Variants in TBC1D21 observed in about 807,000 individuals in gnomAD.
TBC1D21 encodes the protein male germ cell Rab GTPase-activating protein.
TBC1D21 carries 38 observed loss-of-function variants against 46.0 expected under a neutral mutation model. The observed-to-expected ratio is 0.83, with a 90% confidence interval of 0.64 to 1.08. The LOEUF (loss-of-function observed/expected upper bound fraction) is 1.08, where lower values mean the gene tolerates loss of function less well. Among genes scored for constraint, TBC1D21 ranks in the 50% least tolerant of loss-of-function variants. The pLI, the probability that TBC1D21 is intolerant of heterozygous loss-of-function variation, is 0.00. For synonymous variants in TBC1D21, 151 were observed against 157.2 expected (o/e 0.96, Z 0.29); for missense variants, 415 against 417.9 (o/e 0.99, Z 0.06).
chr15:73,876,219 T>G lies in TBC1D21; in HGVS notation c.60+2450T>G, dbSNP rs1174712962. On this transcript the variant is annotated intron_variant, in intron 1 of 10. Coordinates refer to ENST00000300504, the MANE Select transcript of TBC1D21 (RefSeq NM_153356.3). ...TGTGGGTTTTTTTTTTTTTTTTTTT[T>G]TTTTTTTTTTTTTTTTTTTTTTTTT... 5.1e-3 allele frequency among the ~76,000 whole-genome samples: 221 copies of G among 43,036 alleles called. 22 individuals carry two copies. Among genetic ancestry groups the G allele is most frequent in the African/African-American group, 0.02 (124 of 6,292 alleles). The allele number at this position is 43,036 out of a possible 152,430, so 28.2% of individuals were successfully genotyped here.
chr15:73,885,833 CACACACACT>C (rs1418929235), intron 6 of TBC1D21, among the ~76,000 whole-genome samples: 1 of 151,994 alleles, frequency 6.6e-6, no homozygotes, highest in Non-Finnish European at 1.5e-5. Context: ...CACACACACA[CACACACACT>C]ACACAGCCAC....
chr15:73,900,211 C>A, the TBC1D21 span, among the ~76,000 whole-genome samples: 4 of 152,182 alleles, frequency 2.6e-5, no homozygotes, highest in Non-Finnish European at 5.9e-5. Flanking sequence ...CCACTGAGAA[C>A]CCAGGCAAGA....
At chr15:73,899,357 C>A in the TBC1D21 span, among the ~76,000 whole-genome samples, 2 of 152,264 alleles carry the variant, frequency 1.3e-5, no homozygotes, top group Admixed American at 1.3e-4. Flanking sequence ...CTCTAGAGGA[C>A]AGAAGAAGGT....
At chr15:73,876,199 GTTTTTTTTTTTTTT>G (rs539517539) in intron 1 of TBC1D21, among the ~76,000 whole-genome samples, 10 of 28,314 alleles carry the variant, frequency 3.5e-4, no homozygotes, top group East Asian at 1.3e-3. Flanking sequence ...TTTTTTGTGG[GTTTTTTTTTTTTTT>G]TTTTTTTTTT....
At chr15:73,884,302 C>A in intron 4 of TBC1D21, 57 bp downstream of exon 4, 1 of 1,487,432 alleles carries the variant, frequency 6.7e-7, no homozygotes, top group South Asian at 1.1e-5. Context: ...GCCAACCCTG[C>A]CCCCTTCTCA....
In TBC1D21 at chr15:73,881,416, C is replaced by A. The variant is rs748601005; in HGVS notation, c.78C>A (p.Pro26=). The stretch of plus-strand genomic sequence containing the variant: ...TTTGCCAGGTGAAGAGAAAACCACC[C>A]ATTGACAAGACAGAATGGGACAGCT... ...ASFILVKRKP[P]IDKTEWDSFF... The change falls in exon 2 of 11, where the codon CCC becomes CCA. Residue 26 remains proline, a synonymous_variant. Coordinates refer to ENST00000300504, the MANE Select transcript of TBC1D21 (RefSeq NM_153356.3). The A allele has an allele frequency of 1.2e-6, 2 of 1,614,166 alleles. No individual in the cohort carries two copies. The highest frequency in any genetic ancestry group is 1.7e-6 in the Non-Finnish European group (2 of 1,180,006).
chr15:73,893,473 T>C (rs1459718527), downstream of TBC1D21, among the ~76,000 whole-genome samples: 1 of 152,160 alleles, frequency 6.6e-6, no homozygotes, highest in Non-Finnish European at 1.5e-5. Context: ...CACCCTCACC[T>C]CTCTTTCACT....
intron 4 of TBC1D21, 68 bp from the exon 5 acceptor site, chr15:73,884,713 A>C: frequency 3.5e-5 from 40 of 1,154,660 alleles, no homozygotes; most frequent in Non-Finnish European, 4.6e-5. Context: ...GGGTAGGGGA[A>C]GAAATTCACC....
intron 1 of TBC1D21, among the ~76,000 whole-genome samples, chr15:73,876,874 A>C (rs774510809): frequency 5.9e-5 from 9 of 151,852 alleles, no homozygotes; most frequent in Non-Finnish European, 1.3e-4. Context: ...TTTTTATTTG[A>C]GTGGAAAATC....
At position 73,884,890 on chromosome 15, in the gene TBC1D21, A is replaced by G; in HGVS notation, c.477A>G (p.Ala159=). 1 of 1,613,870 alleles carries G rather than the reference A, an allele frequency of 6.2e-7. No individual in the cohort carries two copies. The highest frequency in any genetic ancestry group is 1.1e-5 in the South Asian group (1 of 91,052). ...TGAGTTACGTCTGCAACACGCAGGCAGGTGAGCCTCAGCCTCCCCTTGTCA... is the reference window on the plus strand; with the variant it reads ...TGAGTTACGTCTGCAACACGCAGGCGGGTGAGCCTCAGCCTCCCCTTGTCA... ...LLLSYVCNTQ[A]EYQQGFHEMM... is the part of the protein sequence containing the mutation. The change falls in exon 5 of 11, where the codon GCA becomes GCG. Residue 159 remains alanine, a splice_region_variant and synonymous_variant. Coordinates refer to ENST00000300504, the MANE Select transcript of TBC1D21 (RefSeq NM_153356.3).
At position 73,880,768 on chromosome 15, in the gene TBC1D21, C is replaced by T. The variant is rs574913304; in HGVS notation, c.61-631C>T. On this transcript the variant is annotated intron_variant, in intron 1 of 10. Coordinates refer to ENST00000300504, the MANE Select transcript of TBC1D21 (RefSeq NM_153356.3). Reference sequence around the variant, plus strand: ...CTGGCGACAGAGTGAGACTCCGTCTCGAAAAATAAAAAATACAAGAAAAAG... The same window carrying T: ...CTGGCGACAGAGTGAGACTCCGTCTTGAAAAATAAAAAATACAAGAAAAAG... 3.9e-5 allele frequency among the ~76,000 whole-genome samples: 6 copies of T among 152,104 alleles called. No homozygotes were observed. The South Asian group carries it at 6.2e-4, about 16-fold the overall frequency.
rs780366914 is a variant in TBC1D21, at chr15:73,873,776, G to A, written c.60+7G>A. On this transcript the variant is annotated splice_region_variant and intron_variant, in intron 1 of 10. Transcript: ENST00000300504. The stretch of plus-strand genomic sequence containing the variant: ...GTCAGCCTCCTTCATCCTGGTGCGT[G>A]TTCTTTGTCAGCTCTGAGTGCCTCC... The A allele has an allele frequency of 1.2e-6, 2 of 1,608,976 alleles. No homozygotes were observed. The highest frequency in any genetic ancestry group is 2.2e-5 in the South Asian group (2 of 89,988).
chr15:73,903,207 C>T, the TBC1D21 span, among the ~76,000 whole-genome samples: 1 of 152,250 alleles, frequency 6.6e-6, no homozygotes, highest in Non-Finnish European at 1.5e-5. Context: ...TCAGTCCTTA[C>T]CATAACAGGC....
chr15:73,883,398 G>A (rs1197388115), intron 3 of TBC1D21, among the ~76,000 whole-genome samples: 1 of 152,202 alleles, frequency 6.6e-6, no homozygotes, highest in Non-Finnish European at 1.5e-5. Flanking sequence ...CAAAATCAAG[G>A]TGTTGGCTCC....
intron 5 of TBC1D21, 32 bp downstream of exon 5, chr15:73,884,923 C>T: frequency 1.2e-6 from 2 of 1,611,162 alleles, no homozygotes; most frequent in Non-Finnish European, 1.7e-6. Context: ...TCAATGCCCT[C>T]CCAGGACCTG....
intron 1 of TBC1D21, among the ~76,000 whole-genome samples, chr15:73,876,200 T>C (rs12708507): frequency 0.014 from 288 of 21,044 alleles, 11 homozygotes; most frequent in African/African-American, 0.048. Context: ...TTTTTGTGGG[T>C]TTTTTTTTTT....
chr15:73,873,913 C>A, intron 1 of TBC1D21, 144 bp downstream of exon 1: 1 of 914,292 alleles, frequency 1.1e-6, no homozygotes, highest in Non-Finnish European at 1.7e-6. Context: ...TTACTCTTAC[C>A]ATCAGCCCAA....
chr15:73,907,545 A>G, the TBC1D21 span, among the ~76,000 whole-genome samples: 1 of 152,064 alleles, frequency 6.6e-6, no homozygotes, highest in Non-Finnish European at 1.5e-5. Flanking sequence ...CTTTCCAATA[A>G]ATTCTCATTT....
At chr15:73,907,001 T>C in the TBC1D21 span, among the ~76,000 whole-genome samples, 2 of 152,170 alleles carry the variant, frequency 1.3e-5, no homozygotes, top group African/African-American at 4.8e-5. Flanking sequence ...CACAATTCCA[T>C]GCAAAGCTTG....
Sources: allele counts gnomAD v4.1 joint callset (sites outside exome capture counted in the v4.1 genomes callset), GRCh38; gene constraint gnomAD v4.1.1; transcripts MANE v1.5; gene names NCBI Gene and HGNC (gene_info 2026-07-23, HGNC 2026-07-21).